Variants in MAX observed in about 807,000 individuals in gnomAD.
The protein encoded by MAX is MYC associated transcriptional regulator X, also known as protein max.
A neutral mutation model predicts 22.3 loss-of-function variants in MAX; 3 were observed. The ratio of observed to expected loss-of-function variants is 0.13; its 90% CI spans 0.06 to 0.35. The LOEUF is 0.35. Ranked by LOEUF, MAX falls within the 10% of genes least tolerant of loss-of-function variation. The pLI is 1.00. For synonymous variants in MAX, 72 were observed against 77.7 expected (o/e 0.93, Z 0.39); for missense variants, 119 against 209.4 (o/e 0.57, Z 2.66).
rs761199077 is a variant in MAX at position 65,045,055 on chromosome 14, C to T, written c.172-38771G>A. Among the ~76,000 whole-genome samples the T allele has an allele frequency of 2.6e-5, 4 of 152,170 alleles. No homozygotes were observed. The South Asian group carries it at 6.2e-4, about 24-fold the overall frequency. On this transcript the variant is annotated intron_variant, in intron 3 of 3. Coordinates refer to the MAX transcript ENST00000341653. Reference sequence around the variant, plus strand: ...TGCACCATTGGAGTAGAGAAATCCACGTTCGTTTCTGTGGGGTCTCAAATG... The same window carrying T: ...TGCACCATTGGAGTAGAGAAATCCATGTTCGTTTCTGTGGGGTCTCAAATG...
Position 65,032,480 on chromosome 14 carries a change from G to T in MAX, c.172-26196C>A, listed in dbSNP as rs565990028. 12 of 877,758 alleles carry T rather than the reference G, an allele frequency of 1.4e-5. No homozygotes were observed. The South Asian group carries it at 2.1e-4, about 16-fold the overall frequency. The allele number at this position is 877,758 out of a possible 1,614,324, so 54.4% of individuals were successfully genotyped here. A position where few individuals can be genotyped will look rare whatever the true frequency, so the allele number is the denominator to read the frequency against. On this transcript the variant is annotated intron_variant, in intron 3 of 3. Coordinates refer to the MAX transcript ENST00000341653. The surrounding 1 kb of genome is among the most constrained non-coding windows in gnomAD (Gnocchi z 5.0). Reference sequence around the variant, plus strand: ...AGTTGGAGACCCAGGAGGACTGACCGTGTGCCAAGAGTGAGGACAGGAGGT... The same window carrying T: ...AGTTGGAGACCCAGGAGGACTGACCTTGTGCCAAGAGTGAGGACAGGAGGT...
At chr14:65,006,309 A>G in intron 3 of MAX, 1 of 1,613,046 alleles carries the variant, frequency 6.2e-7, no homozygotes, top group Non-Finnish European at 8.5e-7. Flanking sequence ...GAGGAAAAAT[A>G]TCAGCTTACT....
At chr14:65,037,345 C>T (rs1367027273) in intron 3 of MAX, among the ~76,000 whole-genome samples, 4 of 134,618 alleles carry the variant, frequency 3.0e-5, no homozygotes, top group Non-Finnish European at 4.6e-5. Flanking sequence ...CTCAAGTGAT[C>T]GCCTGCCTCG....
At chr14:65,100,407 G>A (rs937908105) in intron 2 of MAX, among the ~76,000 whole-genome samples, 1 of 152,098 alleles carries the variant, frequency 6.6e-6, no homozygotes, top group African/African-American at 2.4e-5. Flanking sequence ...CCGAGATAGC[G>A]CCATTGCACT....
intron 3 of MAX, among the ~76,000 whole-genome samples, chr14:65,013,059 A>G (rs974299291): frequency 1.3e-5 from 2 of 152,234 alleles, no homozygotes; most frequent in Admixed American, 1.3e-4. Flanking sequence ...GAATGTGAAC[A>G]GGAAGTCTCC....
intron 3 of MAX, among the ~76,000 whole-genome samples, chr14:65,018,357 A>G (rs2061819307): frequency 1.3e-5 from 2 of 152,182 alleles, no homozygotes; most frequent in South Asian, 2.1e-4. Flanking sequence ...GTATATTTGT[A>G]TGTTAAAATA....
chr14:65,031,694 G>T lies in MAX; in HGVS notation c.172-25410C>A, dbSNP rs1361788956. Among the ~76,000 whole-genome samples the T allele has an allele frequency of 6.6e-6, 1 of 152,116 alleles. No individual in the cohort carries two copies. The highest frequency in any genetic ancestry group is 2.4e-5 in the African/African-American group (1 of 41,452). On this transcript the variant is annotated intron_variant, in intron 3 of 3. Transcript: ENST00000341653. This position sits in a 1 kb window ranked among gnomAD's most constrained non-coding sequence, Gnocchi z 4.6. ...CCAGCACTTTGGGAGGCCAAGGCAG[G>T]TGGATTGCTTGAGGTCAGGAGTTTG...
intron 1 of MAX, among the ~76,000 whole-genome samples, chr14:65,101,980 G>A (rs888498845): frequency 6.6e-6 from 1 of 152,170 alleles, no homozygotes; most frequent in African/African-American, 2.4e-5. Flanking sequence ...CCGGACAATG[G>A]GATCCCGGGC....
At chr14:65,101,385 A>AC (rs947102330) in intron 2 of MAX, among the ~76,000 whole-genome samples, 161 bp downstream of exon 2, 29 of 150,308 alleles carry the variant, frequency 1.9e-4, no homozygotes, top group Non-Finnish European at 3.4e-4. Flanking sequence ...GGGATTTGCA[A>AC]CCCCCCCACC....
At chr14:65,019,760 G>T (rs1021695705) in intron 3 of MAX, among the ~76,000 whole-genome samples, 3 of 152,080 alleles carry the variant, frequency 2.0e-5, no homozygotes, top group African/African-American at 7.2e-5. Context: ...CCTAGGAGGT[G>T]GTTACTTCTA....
chr14:65,057,829 G>A (rs2062772201), intron 3 of MAX, among the ~76,000 whole-genome samples: 2 of 152,190 alleles, frequency 1.3e-5, no homozygotes, highest in African/African-American at 4.8e-5. Flanking sequence ...CTGCTGATGT[G>A]TATCTCATGT....
intron 3 of MAX, among the ~76,000 whole-genome samples, chr14:65,010,224 C>T (rs1449719746): frequency 6.6e-6 from 1 of 152,220 alleles, no homozygotes; most frequent in Admixed American, 6.5e-5. Flanking sequence ...TGTAAACTCT[C>T]CTGTTTCTCT....
intron 3 of MAX, among the ~76,000 whole-genome samples, chr14:65,067,847 G>A (rs918559389): frequency 2.0e-5 from 3 of 147,438 alleles, no homozygotes; most frequent in African/African-American, 7.6e-5. Flanking sequence ...TGCCCAGGCT[G>A]GTCTTGAACT....
chr14:65,093,554 T>G lies in MAX; in HGVS notation c.171+154A>C. ...AGGATAAACTGGAGTACGTAAGGTGTGCAGTGATCCTCCAAACAGTCAAAA... is the reference window on the plus strand; with the variant it reads ...AGGATAAACTGGAGTACGTAAGGTGGGCAGTGATCCTCCAAACAGTCAAAA... On this transcript the variant is annotated intron_variant, in intron 3 of 4. Coordinates refer to ENST00000358664, the MANE Select transcript of MAX (RefSeq NM_002382.5). The surrounding 1 kb of genome is among the most constrained non-coding windows in gnomAD (Gnocchi z 4.4). The G allele has an allele frequency of 1.5e-6, 1 of 687,050 alleles. No individual in the cohort carries two copies. The highest frequency in any genetic ancestry group is 2.7e-6 in the Non-Finnish European group (1 of 372,146). The allele number at this position is 687,050 out of a possible 1,614,324, so 42.6% of individuals were successfully genotyped here.
chr14:65,102,295 A>G lies in MAX; in HGVS notation c.36+9T>C, dbSNP rs774467253. On this transcript the variant is annotated intron_variant, in intron 1 of 4. Coordinates refer to ENST00000358664, the MANE Select transcript of MAX (RefSeq NM_002382.5). Reference sequence around the variant, plus strand: ...ACCCGCACGGGAAGGAAGAAGCCCCAGGACTCACGTCGCTCTCCACCTCGA... The same window carrying G: ...ACCCGCACGGGAAGGAAGAAGCCCCGGGACTCACGTCGCTCTCCACCTCGA... 1.2e-5 allele frequency: 19 copies of G among 1,613,662 alleles called. No homozygotes were observed. Among genetic ancestry groups the G allele is most frequent in the Non-Finnish European group, 1.6e-5 (19 of 1,179,720 alleles).
chr14:65,044,693 G>A lies in MAX; in HGVS notation c.172-38409C>T, dbSNP rs929110863. Reference sequence around the variant, plus strand: ...GAATGAGCTTCCTTGAAATTGCTACGGGGAGCGGGGAGGAAGTGGGCGCTG... The same window carrying A: ...GAATGAGCTTCCTTGAAATTGCTACAGGGAGCGGGGAGGAAGTGGGCGCTG... On this transcript the variant is annotated intron_variant, in intron 3 of 3. Transcript: ENST00000341653. This position sits in a 1 kb window ranked among gnomAD's most constrained non-coding sequence, Gnocchi z 5.5. 7 of 540,720 alleles carry A rather than the reference G, an allele frequency of 1.3e-5. No homozygotes were observed. Among genetic ancestry groups the A allele is most frequent in the East Asian group, 1.2e-4 (3 of 25,022 alleles). 33.5% of individuals were successfully genotyped at this position (540,720 alleles called of 1,614,324 possible).
chr14:65,064,733 G>A (rs1308165239), intron 3 of MAX, among the ~76,000 whole-genome samples: 2 of 152,260 alleles, frequency 1.3e-5, no homozygotes, highest in East Asian at 1.9e-4. Flanking sequence ...TTAGAAGCAC[G>A]TAGTTTTTGG....
chr14:65,077,525 C>T lies in MAX; in HGVS notation c.295+388G>A. 1.0e-6 allele frequency: 1 copy of T among 953,614 alleles called. No individual in the cohort carries two copies. The highest frequency in any genetic ancestry group is 1.7e-6 in the Non-Finnish European group (1 of 577,484). The allele number at this position is 953,614 out of a possible 1,614,324, so 59.1% of individuals were successfully genotyped here. On this transcript the variant is annotated intron_variant, in intron 4 of 4. Transcript: ENST00000358664. The surrounding 1 kb of genome is among the most constrained non-coding windows in gnomAD (Gnocchi z 6.3). ...GGACTACCATTGACAATGGGGAGGGCTCACTGTCCCTGAACACCTGGAGTC... is the reference window on the plus strand; with the variant it reads ...GGACTACCATTGACAATGGGGAGGGTTCACTGTCCCTGAACACCTGGAGTC...
At chr14:65,036,892 C>T (rs1200944223) in intron 3 of MAX, among the ~76,000 whole-genome samples, 2 of 152,076 alleles carry the variant, frequency 1.3e-5, no homozygotes, top group South Asian at 2.1e-4. Flanking sequence ...CCCTCCTGAG[C>T]CTCCCAAAGT....
Sources: gnomAD v4.1 joint callset for allele counts (sites outside exome capture counted in the v4.1 genomes callset) on GRCh38, gnomAD v4.1.1 for gene constraint, Gnocchi (gnomAD v3.1) non-coding constraint, MANE v1.5 for transcripts, NCBI Gene and HGNC (gene_info 2026-07-23, HGNC 2026-07-21) for gene names.